Variants in PLEKHD1 observed in about 807,000 individuals in gnomAD.
The protein encoded by PLEKHD1 is pleckstrin homology domain-containing family D member 1.
A neutral mutation model predicts 69.2 loss-of-function variants in PLEKHD1; 51 were observed. The observed-to-expected ratio is 0.74, with a 90% CI of 0.59 to 0.93. PLEKHD1 has a LOEUF of 0.93. Among genes scored for constraint, PLEKHD1 ranks in the 40% least tolerant of loss-of-function variants. The pLI, the probability that PLEKHD1 is intolerant of heterozygous loss-of-function variation, is 0.00. For synonymous variants in PLEKHD1, 236 were observed against 244.7 expected (o/e 0.96, Z 0.33); for missense variants, 584 against 641.0 (o/e 0.91, Z 0.96).
upstream of PLEKHD1, among the ~76,000 whole-genome samples, chr14:69,480,100 C>T (rs546419982): frequency 2.0e-5 from 3 of 152,234 alleles, no homozygotes; most frequent in South Asian, 2.1e-4. Flanking sequence ...GGCAGACAGA[C>T]GTGTGTTAGA....
rs1162412450 is a variant in PLEKHD1 at position 69,506,891 on chromosome 14, C to CTTTTTTTTTTTTT, written c.555+4028_555+4040dup. On this transcript the variant is annotated intron_variant, in intron 6 of 12. Coordinates refer to ENST00000322564, the MANE Select transcript of PLEKHD1 (RefSeq NM_001161498.2). ...ACTGTCCTAAAAATCCTGGCAACTG[C>CTTTTTTTTTTTTT]TTTTTTTTTTTTTTTTTTTTTTTTT... Among the ~76,000 whole-genome samples, 215 of 78,062 alleles carry CTTTTTTTTTTTTT rather than the reference C, an allele frequency of 2.8e-3. 24 individuals carry two copies. The highest frequency in any genetic ancestry group is 7.2e-3 in the African/African-American group (126 of 17,434). 51.2% of individuals were successfully genotyped at this position (78,062 alleles called of 152,430 possible). A position where few individuals can be genotyped will look rare whatever the true frequency, so the allele number is the denominator to read the frequency against.
the PLEKHD1 span, among the ~76,000 whole-genome samples, chr14:69,469,713 A>G: frequency 1.4e-4 from 21 of 151,910 alleles, no homozygotes; most frequent in South Asian, 1.5e-3. Context: ...TCCCAGACTT[A>G]AGTTGTCTCT....
At position 69,525,944 on chromosome 14, in the gene PLEKHD1, G is replaced by A. The variant is rs989628808; in HGVS notation, c.745G>A (p.Glu249Lys). The A allele has an allele frequency of 1.9e-6, 3 of 1,548,422 alleles. No individual in the cohort carries two copies. The highest frequency in any genetic ancestry group is 2.4e-5 in the East Asian group (1 of 40,894). ...TTTTCCTTGCCTCCCTCCATGCCAG[G>A]AACTCTCCATAGAGAAGAAGAAAAC... Reference protein sequence around the residue: ...LTESLQQTLEELSIEKKKTLE... With the variant: ...LTESLQQTLEKLSIEKKKTLE... The change falls in exon 9 of 13, where the codon GAA (glutamate) becomes AAA (lysine). Residue 249 changes from glutamate to lysine, a missense_variant and splice_region_variant. By Grantham distance (56) the Glu-to-Lys change is moderately conservative. Transcript: ENST00000322564.
intron 1 of PLEKHD1, among the ~76,000 whole-genome samples, chr14:69,497,530 C>A (rs1882914171): frequency 6.6e-6 from 1 of 152,242 alleles, no homozygotes; most frequent in Non-Finnish European, 1.5e-5. Flanking sequence ...GGTGGGTCAC[C>A]AAGGGTGGGA....
the PLEKHD1 span, among the ~76,000 whole-genome samples, chr14:69,470,182 G>A: frequency 1.3e-5 from 2 of 151,934 alleles, no homozygotes; most frequent in Non-Finnish European, 2.9e-5. Flanking sequence ...CTAGTAAATG[G>A]CCGGGCACAG....
chr14:69,521,086 CGTGCCACTGCACGA>C (rs1336967576), intron 6 of PLEKHD1, among the ~76,000 whole-genome samples: 1 of 152,154 alleles, frequency 6.6e-6, no homozygotes, highest in Non-Finnish European at 1.5e-5. Context: ...GAGCTATGAT[CGTGCCACTGCACGA>C]GTGCCACTCT....
chr14:69,487,182 A>AACACACACAC (rs199671230), intron 1 of PLEKHD1, among the ~76,000 whole-genome samples: 1,797 of 140,418 alleles, frequency 0.013, 20 homozygotes, highest in Middle Eastern at 0.018. Context: ...GGGAATACAC[A>AACACACACAC]ACACACACAC....
chr14:69,510,423 A>C (rs913774646), intron 6 of PLEKHD1, among the ~76,000 whole-genome samples: 1 of 152,150 alleles, frequency 6.6e-6, no homozygotes, highest in East Asian at 1.9e-4. Flanking sequence ...TTTATACCTA[A>C]GTATTTCATT....
intron 6 of PLEKHD1, among the ~76,000 whole-genome samples, chr14:69,513,179 A>G (rs1250862867): frequency 2.0e-5 from 3 of 152,040 alleles, no homozygotes; most frequent in African/African-American, 7.2e-5. Flanking sequence ...AGATGGCACC[A>G]CTGTACTCCA....
chr14:69,508,862 A>G (rs1438747775), intron 6 of PLEKHD1, among the ~76,000 whole-genome samples: 1 of 152,206 alleles, frequency 6.6e-6, no homozygotes, highest in Non-Finnish European at 1.5e-5. Flanking sequence ...TAGATTCTCA[A>G]CAGGTAACTT....
At chr14:69,480,461 CAG>C (rs1882521932), upstream of PLEKHD1, among the ~76,000 whole-genome samples, 1 of 152,180 alleles carries the variant, frequency 6.6e-6, no homozygotes, top group African/African-American at 2.4e-5. Flanking sequence ...GGGTCAGGGA[CAG>C]AGGGGCAGGG....
chr14:69,499,664 C>T (rs1210125281), intron 1 of PLEKHD1, among the ~76,000 whole-genome samples: 1 of 152,172 alleles, frequency 6.6e-6, no homozygotes, highest in Non-Finnish European at 1.5e-5. Flanking sequence ...CTGGGGTGCT[C>T]GGGGCTGCAG....
At chr14:69,474,927 C>T in the PLEKHD1 span, among the ~76,000 whole-genome samples, 343 of 152,276 alleles carry the variant, frequency 2.3e-3, 2 homozygotes, top group African/African-American at 8.0e-3. Flanking sequence ...GTAATCACAG[C>T]TCAATGTGAC....
intron 9 of PLEKHD1, 57 bp downstream of exon 9, chr14:69,526,179 T>C: frequency 6.8e-7 from 1 of 1,475,958 alleles, no homozygotes; most frequent in Non-Finnish European, 9.0e-7. Context: ...GGGACTTTCC[T>C]CGAACTGGAC....
At position 69,529,885 on chromosome 14, in the gene PLEKHD1, G is replaced by T. The variant is rs942398294; in HGVS notation, c.*1466G>T. 1.3e-5 allele frequency: 2 copies of T among 152,194 alleles called. No individual in the cohort carries two copies. The highest frequency in any genetic ancestry group is 2.9e-5 in the Non-Finnish European group (2 of 68,056). The allele number at this position is 152,194 out of a possible 1,614,324, so 9.4% of individuals were successfully genotyped here. A position where few individuals can be genotyped will look rare whatever the true frequency, so the allele number is the denominator to read the frequency against. On this transcript the variant is annotated 3_prime_UTR_variant, in exon 13 of 13. Coordinates refer to ENST00000322564, the MANE Select transcript of PLEKHD1 (RefSeq NM_001161498.2). ...CCACCACCCTCCAGGGGGCTGAAGG[G>T]TGTGTCTGTCTCTCACTCATGGACA...
rs1162690990 is a variant in PLEKHD1, at chr14:69,501,839, G to T, written c.502+14G>T. ...AGGAGTATTTAGGTTGGCTGGAGGG[G>T]TGGTTCCCTAATGGTAGCAGCACTT... is the stretch of plus-strand genomic sequence containing the variant. On this transcript the variant is annotated intron_variant, in intron 5 of 12. Coordinates refer to ENST00000322564, the MANE Select transcript of PLEKHD1 (RefSeq NM_001161498.2). 2 of 1,544,104 alleles carry T rather than the reference G, an allele frequency of 1.3e-6. No individual in the cohort carries two copies. Among genetic ancestry groups the T allele is most frequent in the East Asian group, 4.9e-5 (2 of 40,852 alleles).
intron 7 of PLEKHD1, 110 bp from the exon 8 acceptor site, chr14:69,524,119 C>A: frequency 2.4e-6 from 2 of 837,184 alleles, no homozygotes; most frequent in Non-Finnish European, 3.8e-6. Flanking sequence ...CATTCAAGAG[C>A]CCTCCTGAGC....
upstream of PLEKHD1, among the ~76,000 whole-genome samples, chr14:69,482,919 AAAAG>A (rs1379642752): frequency 2.8e-3 from 413 of 148,418 alleles, 2 homozygotes; most frequent in African/African-American, 9.7e-3. Flanking sequence ...AAGAAAGAAA[AAAAG>A]AAAGAAAGAA....
intron 1 of PLEKHD1, among the ~76,000 whole-genome samples, chr14:69,485,878 C>T (rs747669662): frequency 1.3e-5 from 2 of 152,170 alleles, no homozygotes; most frequent in South Asian, 4.1e-4. Flanking sequence ...CTGCCTGGTC[C>T]CCAACTCAGA....
Sources: allele counts gnomAD v4.1 joint callset (sites outside exome capture counted in the v4.1 genomes callset), GRCh38; gene constraint gnomAD v4.1.1; transcripts MANE v1.5; gene names NCBI Gene and HGNC (gene_info 2026-07-23, HGNC 2026-07-21).